SMAP2: variants seen among roughly 807,000 people sequenced by gnomAD.
The protein encoded by SMAP2 is stromal membrane-associated protein 2.
Under a neutral mutation model 56.4 loss-of-function variants are expected in SMAP2, and 25 were observed. The ratio of observed to expected loss-of-function variants is 0.44; its 90% CI spans 0.32 to 0.62. The LOEUF (loss-of-function observed/expected upper bound fraction) is 0.62, where lower values mean the gene tolerates loss of function less well. SMAP2 is among the 20% of genes least tolerant of loss of function. The pLI, the probability that SMAP2 is intolerant of heterozygous loss-of-function variation, is 0.04. For synonymous variants in SMAP2, 157 were observed against 181.7 expected, an observed-to-expected ratio of 0.86 and a Z score of 1.09; for missense variants, 388 against 545.6, an observed-to-expected ratio of 0.71 and a Z score of 2.88.
At chr1:40,356,069 A>C (rs1422974842) in intron 1 of SMAP2, among the ~76,000 whole-genome samples, 1 of 152,166 alleles carries the variant, frequency 6.6e-6, no homozygotes. Flanking sequence ...CCCACAAATG[A>C]GTGAGAACAT....
In SMAP2 at chr1:40,374,600, T is replaced by TGC. The variant is rs1557827550; in HGVS notation, c.103+378_103+379insCG. 1.6e-3 allele frequency: 1,118 copies of TGC among 698,904 alleles called. No homozygotes were observed. The highest frequency in any genetic ancestry group is 6.9e-3 in the South Asian group (299 of 43,500). The allele number at this position is 698,904 out of a possible 1,614,324, so 43.3% of individuals were successfully genotyped here. On this transcript the variant is annotated intron_variant, in intron 1 of 9. Coordinates refer to ENST00000372718, the MANE Select transcript of SMAP2 (RefSeq NM_022733.3). This position sits in a 1 kb window ranked among gnomAD's most constrained non-coding sequence, Gnocchi z 5.9. ...CATTGCGTGCGTGCGTGCGTGCGTG[T>TGC]GTGTGTGTGTGTGTGTGTGTGTGTG...
intron 6 of SMAP2, among the ~76,000 whole-genome samples, chr1:40,414,872 A>G (rs1248196989): frequency 6.6e-6 from 1 of 152,210 alleles, no homozygotes; most frequent in Non-Finnish European, 1.5e-5. Flanking sequence ...TGATGGTTGC[A>G]CTTTGTTTCC....
intron 1 of SMAP2, among the ~76,000 whole-genome samples, chr1:40,387,685 C>T (rs1012241311): frequency 2.0e-5 from 3 of 152,092 alleles, no homozygotes; most frequent in Admixed American, 6.5e-5. Flanking sequence ...GAGGTGACAG[C>T]GTGCTGGCAG....
At chr1:40,357,870 G>A (rs1644443812) in intron 1 of SMAP2, among the ~76,000 whole-genome samples, 1 of 152,030 alleles carries the variant, frequency 6.6e-6, no homozygotes, top group Admixed American at 6.6e-5. Flanking sequence ...GATTACTCCA[G>A]CTTTGTTCTT....
intron 1 of SMAP2, among the ~76,000 whole-genome samples, chr1:40,347,256 T>TG (rs1195721409): frequency 5.4e-5 from 8 of 147,918 alleles, no homozygotes; most frequent in Admixed American, 2.0e-4. Context: ...TTTTTGTTTT[T>TG]TTTTTTTTTT....
intron 9 of SMAP2, among the ~76,000 whole-genome samples, chr1:40,419,073 TGAA>T (rs1569931366): frequency 6.6e-6 from 1 of 151,608 alleles, no homozygotes; most frequent in Non-Finnish European, 1.5e-5. Context: ...CAACTGAAAA[TGAA>T]GGAGGAGGGA....
chr1:40,375,011 T>C, intron 1 of SMAP2: 1 of 985,430 alleles, frequency 1.0e-6, no homozygotes, highest in Non-Finnish European at 1.2e-6. Context: ...CGATTACACT[T>C]CTAAAGGTGA....
At chr1:40,358,687 A>G (rs1365736475) in intron 1 of SMAP2, among the ~76,000 whole-genome samples, 1 of 152,196 alleles carries the variant, frequency 6.6e-6, no homozygotes, top group Non-Finnish European at 1.5e-5. Context: ...TGAGGAGAAG[A>G]ATATGTATTC....
chr1:40,389,771 A>C (rs886577048), intron 1 of SMAP2, among the ~76,000 whole-genome samples: 4 of 152,160 alleles, frequency 2.6e-5, no homozygotes, highest in African/African-American at 9.7e-5. Context: ...ATGGGAGTAA[A>C]TATTTAGACG....
chr1:40,418,763 A>G (rs1376231459), intron 9 of SMAP2, among the ~76,000 whole-genome samples: 2 of 152,230 alleles, frequency 1.3e-5, no homozygotes, highest in African/African-American at 4.8e-5. Context: ...TATTTTAAAG[A>G]CACTCAAGTG....
rs200834252 is a variant in SMAP2, at chr1:40,416,951, T to C, written c.1019T>C (p.Met340Thr). ...CCCATGGCCATGCCTGCAGGCTATA[T>C]GGGTGGCATGCAGGCATCAATGATG... ...VAPMAMPAGYMGGMQASMMGV... is the reference protein window; with the variant it reads ...VAPMAMPAGYTGGMQASMMGV... The change falls in exon 9 of 10, where the codon ATG (methionine) becomes ACG (threonine). Residue 340 changes from methionine (M) to threonine (T), a missense_variant. Met to Thr is a moderately conservative substitution (Grantham distance 81). Transcript: ENST00000372718. 8.7e-5 allele frequency: 140 copies of C among 1,614,206 alleles called. 2 individuals carry two copies. In the East Asian group the frequency reaches 3.1e-3, roughly 36 times the overall value.
chr1:40,419,069 A>G lies in SMAP2; in HGVS notation c.1164+1973A>G, dbSNP rs557906225. On this transcript the variant is annotated intron_variant, in intron 9 of 9. Transcript: ENST00000372718. ...ATATTCTGACAAACAAATACAACTG[A>G]AAATGAAGGAGGAGGGAGAAAAGTT... Among the ~76,000 whole-genome samples the G allele has an allele frequency of 3.0e-4, 46 of 152,320 alleles. 1 individual carries two copies. The highest frequency in any genetic ancestry group is 5.0e-4 in the Non-Finnish European group (34 of 68,030).
At chr1:40,400,310 G>A (rs931169485) in intron 1 of SMAP2, among the ~76,000 whole-genome samples, 14 of 152,212 alleles carry the variant, frequency 9.2e-5, no homozygotes, top group African/African-American at 3.1e-4. Flanking sequence ...TAAGGATTTT[G>A]TTATTTAATC....
At chr1:40,348,634 G>A (rs531910486) in intron 1 of SMAP2, among the ~76,000 whole-genome samples, 96 of 152,022 alleles carry the variant, frequency 6.3e-4, no homozygotes, top group Admixed American at 2.0e-3. Flanking sequence ...CAGAGATGGC[G>A]CCGCTTCACT....
chr1:40,350,254 G>A (rs932415950), intron 1 of SMAP2, among the ~76,000 whole-genome samples: 3 of 152,182 alleles, frequency 2.0e-5, no homozygotes, highest in African/African-American at 7.2e-5. Flanking sequence ...GGAGGGGTCA[G>A]TAGAGTACCC....
intron 2 of SMAP2, among the ~76,000 whole-genome samples, chr1:40,363,757 G>A (rs547921354): frequency 1.4e-4 from 22 of 152,318 alleles, no homozygotes; most frequent in South Asian, 1.0e-3. Flanking sequence ...ACCAGCAGCC[G>A]TGTGGATCAG....
At chr1:40,375,074 T>C (rs1407257236) in intron 1 of SMAP2, 1 of 985,332 alleles carries the variant, frequency 1.0e-6, no homozygotes, top group East Asian at 1.1e-4. Flanking sequence ...TTCTGTGCCC[T>C]AGAAGATTCA....
intron 1 of SMAP2, among the ~76,000 whole-genome samples, chr1:40,388,871 G>T (rs1557833730): frequency 6.6e-6 from 1 of 152,184 alleles, no homozygotes; most frequent in Non-Finnish European, 1.5e-5. Flanking sequence ...AAGGTCTGCA[G>T]CTTCACTCCT....
intron 2 of SMAP2, among the ~76,000 whole-genome samples, chr1:40,407,292 C>T (rs1234935365): frequency 6.6e-6 from 1 of 152,074 alleles, no homozygotes; most frequent in East Asian, 1.9e-4. Flanking sequence ...CAAGACCAGC[C>T]TGGGCAACAG....
Sources: gnomAD v4.1 joint callset for allele counts (sites outside exome capture counted in the v4.1 genomes callset) on GRCh38, gnomAD v4.1.1 for gene constraint, Gnocchi (gnomAD v3.1) non-coding constraint, MANE v1.5 for transcripts, NCBI Gene and HGNC (gene_info 2026-07-23, HGNC 2026-07-21) for gene names.